The following CACNA1S variants were observed in gnomAD, a reference collection of about 807,000 sequenced individuals.
CACNA1S encodes calcium voltage-gated channel subunit alpha1 S.
In CACNA1S, 126 loss-of-function variants were observed where a neutral mutation model predicts 207.4. That is an observed-to-expected ratio of 0.61 (90% CI 0.53 to 0.70). CACNA1S has a LOEUF of 0.70. Ranked by LOEUF, CACNA1S falls within the 30% of genes least tolerant of loss-of-function variation. The pLI is 0.00. For missense variants in CACNA1S, 2,349 were observed against 2,422.8 expected, an observed-to-expected ratio of 0.97 and a Z score of 0.64; for synonymous variants, 960 against 932.7, an observed-to-expected ratio of 1.03 and a Z score of -0.53.
rs1558080665 is a variant in CACNA1S at position 201,091,663 on chromosome 1, T to C, written c.671A>G (p.Lys224Arg). The change falls in exon 5 of 44, where the codon AAG (lysine) becomes AGG (arginine). Residue 224 changes from lysine (K) to arginine (R), a missense_variant. Coordinates refer to ENST00000362061, the MANE Select transcript of CACNA1S (RefSeq NM_000069.3). The part of the protein sequence containing the change: ...GLELFKGKMH[K>R]TCYFIGTDIV... The stretch of plus-strand genomic sequence containing the variant: ...ACCTGTACCAATGAAGTAGCAGGTC[T>C]TGTGCATCTTGCCCTTGAAGAGCTC... The C allele has an allele frequency of 3.7e-6, 6 of 1,614,100 alleles. No individual in the cohort carries two copies. The highest frequency in any genetic ancestry group is 5.1e-6 in the Non-Finnish European group (6 of 1,180,046).
At chr1:201,100,406 A>G (rs559341346) in intron 2 of CACNA1S, among the ~76,000 whole-genome samples, 1 of 152,216 alleles carries the variant, frequency 6.6e-6, no homozygotes, top group Non-Finnish European at 1.5e-5. Context: ...TGGCATCTCC[A>G]CAAACACCTC....
chr1:201,052,538 G>A lies in CACNA1S; in HGVS notation c.3953+19C>T, dbSNP rs776083562. ...GACTGGTCAGCGGGGTAGGGGTGGG[G>A]GTGGCGGGAGACGCGTGCCTGAAGA... On this transcript the variant is annotated intron_variant, in intron 32 of 43. Transcript: ENST00000362061. The A allele has an allele frequency of 2.5e-5, 40 of 1,587,744 alleles. No homozygotes were observed. In the African/African-American group the frequency reaches 4.3e-4, roughly 17 times the overall value.
At chr1:201,063,832 G>A (rs1485943871) in intron 22 of CACNA1S, among the ~76,000 whole-genome samples, 1 of 152,234 alleles carries the variant, frequency 6.6e-6, no homozygotes, top group African/African-American at 2.4e-5. Flanking sequence ...GGTAAGCAGA[G>A]AGTGGATAGA....
In CACNA1S at chr1:201,087,920, C is replaced by T; in HGVS notation, c.910G>A (p.Ala304Thr). The change falls in exon 7 of 44, where the codon GCC becomes ACC. Residue 304 changes from alanine (A) to threonine (T), a missense_variant. Ala to Thr is a moderately conservative substitution (Grantham distance 58). Transcript: ENST00000362061. The stretch of plus-strand genomic sequence containing the variant: ...ATCCAGGGCCACTCATTCCCGATGG[C>T]ATCATTGACCTGGTCAGGACAGAAG... ...WTDVLYWVND[A>T]IGNEWPWIYF... The T allele has an allele frequency of 6.2e-7, 1 of 1,609,442 alleles. No individual in the cohort carries two copies. Among genetic ancestry groups the T allele is most frequent in the South Asian group, 1.1e-5 (1 of 90,814 alleles).
intron 14 of CACNA1S, 134 bp downstream of exon 14, chr1:201,074,372 A>T: frequency 1.4e-6 from 1 of 705,084 alleles, no homozygotes; most frequent in East Asian, 2.7e-5. Flanking sequence ...AGGTTACAGA[A>T]GTTTGCCCAC....
Position 201,051,057 on chromosome 1 carries a change from C to A in CACNA1S, c.4040G>T (p.Gly1347Val), listed in dbSNP as rs752954170. The change falls in exon 33 of 44, where the codon GGG (glycine) becomes GTG (valine). Residue 1347 changes from glycine (G) to valine (V), a missense_variant. Coordinates refer to ENST00000362061, the MANE Select transcript of CACNA1S (RefSeq NM_000069.3). Reference protein sequence around the residue: ...LCDPESDYAPGEEYTCGTNFA... With the variant: ...LCDPESDYAPVEEYTCGTNFA... ...GTTGGTGCCACATGTGTACTCCTCC[C>A]CTGGGGCATAGTCCGACTCTGGGTC... 10 of 1,614,078 alleles carry A rather than the reference C, an allele frequency of 6.2e-6. No individual in the cohort carries two copies. The African/African-American group carries it at 1.3e-4, about 22-fold the overall frequency.
intron 2 of CACNA1S, among the ~76,000 whole-genome samples, chr1:201,107,668 C>T (rs1662947079): frequency 6.6e-6 from 1 of 152,208 alleles, no homozygotes; most frequent in Non-Finnish European, 1.5e-5. Flanking sequence ...TCTCTGCTAC[C>T]TACAAAGCAG....
chr1:201,041,411 C>G, intron 41 of CACNA1S, 93 bp downstream of exon 41: 1 of 977,558 alleles, frequency 1.0e-6, no homozygotes, highest in East Asian at 2.6e-5. Context: ...CCAGCCCTCC[C>G]AGCCAAGTTC....
chr1:201,041,485 A>C lies in CACNA1S; in HGVS notation c.5134+19T>G. 6.3e-7 allele frequency: 1 copy of C among 1,595,946 alleles called. No individual in the cohort carries two copies. Among genetic ancestry groups the C allele is most frequent in the Non-Finnish European group, 8.6e-7 (1 of 1,163,702 alleles). ...CTGGGAGAAGACTCAAGCTTCTTAGATGCACAGAAGGGACTGACCCAGGAC... is the reference window on the plus strand; with the variant it reads ...CTGGGAGAAGACTCAAGCTTCTTAGCTGCACAGAAGGGACTGACCCAGGAC... On this transcript the variant is annotated intron_variant, in intron 41 of 43. Transcript: ENST00000362061.
At chr1:201,046,167 T>G (rs1180621635) in intron 38 of CACNA1S, among the ~76,000 whole-genome samples, 1 of 134,462 alleles carries the variant, frequency 7.4e-6, no homozygotes, top group East Asian at 2.1e-4. Context: ...TATTTATTTA[T>G]TTATTTATTA....
intron 1 of CACNA1S, 108 bp downstream of exon 1, chr1:201,112,080 G>A (rs1663135476): frequency 9.1e-7 from 1 of 1,103,856 alleles, no homozygotes; most frequent in Non-Finnish European, 1.3e-6. Context: ...CCATGTCTAA[G>A]TGCCAGGCCT....
chr1:201,077,730 G>T (rs1340398693), intron 11 of CACNA1S, 149 bp downstream of exon 11: 7 of 613,668 alleles, frequency 1.1e-5, no homozygotes, highest in East Asian at 1.1e-4. Flanking sequence ...ACAGAAGGAG[G>T]TTATTTCAAG....
chr1:201,057,378 A>G (rs1660885003), intron 28 of CACNA1S, among the ~76,000 whole-genome samples: 1 of 152,202 alleles, frequency 6.6e-6, no homozygotes, highest in Non-Finnish European at 1.5e-5. Context: ...CCAGTGTCAT[A>G]TGGACACCAC....
intron 13 of CACNA1S, among the ~76,000 whole-genome samples, chr1:201,075,160 C>A (rs1661561931): frequency 6.6e-6 from 1 of 152,190 alleles, no homozygotes; most frequent in African/African-American, 2.4e-5. Flanking sequence ...TGCCTCTGAA[C>A]CTTTGGAGAA....
intron 22 of CACNA1S, among the ~76,000 whole-genome samples, chr1:201,063,743 C>T (rs1303506084): frequency 6.6e-6 from 1 of 152,198 alleles, no homozygotes; most frequent in East Asian, 1.9e-4. Context: ...CCCTGCCACA[C>T]AGATCTGTGC....
Position 201,053,628 on chromosome 1 carries a change from C to G in CACNA1S, c.3667-41G>C. The G allele has an allele frequency of 1.9e-6, 3 of 1,611,474 alleles. No homozygotes were observed. The highest frequency in any genetic ancestry group is 2.5e-6 in the Non-Finnish European group (3 of 1,178,130). On this transcript the variant is annotated intron_variant, in intron 29 of 43. Coordinates refer to ENST00000362061, the MANE Select transcript of CACNA1S (RefSeq NM_000069.3). This position sits in a 1 kb window ranked among gnomAD's most constrained non-coding sequence, Gnocchi z 5.1. Reference sequence around the variant, plus strand: ...CCCAGAGGTCAGTCTGGGGGCAGAACCTCAGAGGGGTAAGGGGCAGGGCGG... The same window carrying G: ...CCCAGAGGTCAGTCTGGGGGCAGAAGCTCAGAGGGGTAAGGGGCAGGGCGG...
At chr1:201,062,730 C>T (rs1661107027) in intron 22 of CACNA1S, among the ~76,000 whole-genome samples, 1 of 152,252 alleles carries the variant, frequency 6.6e-6, no homozygotes, top group Non-Finnish European at 1.5e-5. Flanking sequence ...ATTCCCACAG[C>T]TCCCCCAGGG....
At chr1:201,054,708 G>C in intron 28 of CACNA1S, 147 bp from the exon 29 acceptor site, 1 of 294,320 alleles carries the variant, frequency 3.4e-6, no homozygotes, top group Non-Finnish European at 7.0e-6. Flanking sequence ...ACCCCACATG[G>C]CTGCCAATCA....
chr1:201,091,520 A>G (rs982548926), intron 5 of CACNA1S, 120 bp downstream of exon 5: 6 of 1,128,530 alleles, frequency 5.3e-6, no homozygotes, highest in Non-Finnish European at 8.1e-6. Flanking sequence ...ACCCATTCTC[A>G]AGGTCAACAG....
Sources: allele counts gnomAD v4.1 joint callset (sites outside exome capture counted in the v4.1 genomes callset), GRCh38; gene constraint gnomAD v4.1.1; non-coding constraint Gnocchi (gnomAD v3.1); transcripts MANE v1.5; gene names NCBI Gene and HGNC (gene_info 2026-07-23, HGNC 2026-07-21).